The following TACC2 variants were observed in gnomAD, a reference collection of about 807,000 sequenced individuals.
The protein encoded by TACC2 is transforming acidic coiled-coil containing protein 2, also known as transforming acidic coiled-coil-containing protein 2.
Under a neutral mutation model 227.3 loss-of-function variants are expected in TACC2, and 137 were observed. The observed-to-expected ratio is 0.60, with a 90% CI of 0.52 to 0.69. The LOEUF (loss-of-function observed/expected upper bound fraction) is 0.69. Ranked by LOEUF, TACC2 falls within the 30% of genes least tolerant of loss-of-function variation. The pLI is 0.00. For synonymous variants in TACC2, 1,523 were observed against 1,487.5 expected (o/e 1.02, Z -0.55); for missense variants, 3,470 against 3,694.4 (o/e 0.94, Z 1.57).
chr10:122,163,845 G>A (rs2092980337), intron 7 of TACC2: 1 of 1,486,258 alleles, frequency 6.7e-7, no homozygotes, highest in Non-Finnish European at 9.0e-7. Flanking sequence ...CGGCCGGCTC[G>A]CCCCGGCTCC....
At chr10:122,095,342 G>A (rs1011366298) in intron 5 of TACC2, among the ~76,000 whole-genome samples, 4 of 152,326 alleles carry the variant, frequency 2.6e-5, no homozygotes, top group South Asian at 2.1e-4. Context: ...ATCGCCTTGC[G>A]GGGCATTTGA....
rs1589840729 is a variant in TACC2 at position 122,237,277 on chromosome 10, T to C, written c.8128-118T>C. 4.0e-6 allele frequency: 4 copies of C among 994,326 alleles called. No individual in the cohort carries two copies. The East Asian group carries it at 1.1e-4, about 27-fold the overall frequency. 61.6% of individuals were successfully genotyped at this position (994,326 alleles called of 1,614,324 possible). A position where few individuals can be genotyped will look rare whatever the true frequency, so the allele number is the denominator to read the frequency against. ...TCAGTCTTTGCACTTTCTCATACTTTTGATGTTCTTTGTTTCAAAACCATA... is the reference window on the plus strand; with the variant it reads ...TCAGTCTTTGCACTTTCTCATACTTCTGATGTTCTTTGTTTCAAAACCATA... On this transcript the variant is annotated intron_variant, in intron 16 of 22. Transcript: ENST00000369005.
At chr10:122,013,219 G>A (rs1335698039) in intron 1 of TACC2, among the ~76,000 whole-genome samples, 1 of 152,140 alleles carries the variant, frequency 6.6e-6, no homozygotes, top group Non-Finnish European at 1.5e-5. Flanking sequence ...AAATTTCTAG[G>A]TGGCCTCCAA....
chr10:122,222,437 A>G (rs562374501), intron 11 of TACC2, among the ~76,000 whole-genome samples: 9 of 152,306 alleles, frequency 5.9e-5, no homozygotes, highest in Admixed American at 3.9e-4. Flanking sequence ...GGCGTCTGCC[A>G]CTCATCTGGG....
At chr10:122,124,813 G>A (rs945951031) in intron 5 of TACC2, among the ~76,000 whole-genome samples, 4 of 152,164 alleles carry the variant, frequency 2.6e-5, no homozygotes, top group Non-Finnish European at 4.4e-5. Flanking sequence ...TTTATCACAT[G>A]TGCTGTGACG....
intron 22 of TACC2, among the ~76,000 whole-genome samples, chr10:122,250,729 C>T (rs1411576473): frequency 2.0e-5 from 3 of 152,038 alleles, no homozygotes; most frequent in Non-Finnish European, 2.9e-5. Context: ...GGGCAAGCCT[C>T]GCACCCCACC....
At position 122,022,130 on chromosome 10, in the gene TACC2, C is replaced by T. The variant is rs565775504; in HGVS notation, c.33+116C>T. ...GAAGGAGCAAACAAGACAGCTTCTG[C>T]GTAGATGTGTGCGGGCATTTATGGA... On this transcript the variant is annotated intron_variant, in intron 2 of 22. Coordinates refer to ENST00000369005, the MANE Select transcript of TACC2 (RefSeq NM_206862.4). 3.0e-5 allele frequency: 30 copies of T among 990,164 alleles called. No individual in the cohort carries two copies. The African/African-American group carries it at 3.2e-4, about 11-fold the overall frequency. The allele number at this position is 990,164 out of a possible 1,614,324, so 61.3% of individuals were successfully genotyped here.
chr10:122,229,383 T>A lies in TACC2; in HGVS notation c.7934T>A (p.Leu2645His). 1 of 1,613,884 alleles carries A rather than the reference T, an allele frequency of 6.2e-7. No homozygotes were observed. Among genetic ancestry groups the A allele is most frequent in the Non-Finnish European group, 8.5e-7 (1 of 1,179,948 alleles). ...PEGSFASADA[L>H]LSRLAHPVSL... is the part of the protein sequence containing the mutation. Reference sequence around the variant, plus strand: ...GGCTCCTTTGCCTCTGCTGACGCCCTCCTCAGCAGGCTAGCTCACCCCGTC... The same window carrying A: ...GGCTCCTTTGCCTCTGCTGACGCCCACCTCAGCAGGCTAGCTCACCCCGTC... Residue 2645 changes from leucine (L) to histidine (H), a missense_variant, in exon 15 of 23, where the codon CTC (leucine) becomes CAC (histidine). Transcript: ENST00000369005.
chr10:122,025,258 T>C (rs1341104379), intron 2 of TACC2, among the ~76,000 whole-genome samples: 1 of 152,194 alleles, frequency 6.6e-6, no homozygotes, highest in African/African-American at 2.4e-5. Flanking sequence ...TAGATTATTA[T>C]TATTCATATA....
rs764172737 is a variant in TACC2, at chr10:122,086,377, C to T, written c.3877C>T (p.Pro1293Ser). The change falls in exon 4 of 23, where the codon CCC (proline) becomes TCC (serine). Residue 1293 changes from proline to serine, a missense_variant. Transcript: ENST00000369005. ...SLKLFAGSLA[P>S]LLQPGAAGGE... ...GAAGCTGTTTGCTGGCTCCCTCGCC[C>T]CCCTGTTGCAACCAGGAGCTGCAGG... 3.1e-6 allele frequency: 5 copies of T among 1,613,538 alleles called. No homozygotes were observed. Among genetic ancestry groups the T allele is most frequent in the Middle Eastern group, 1.6e-4 (1 of 6,084 alleles).
intron 7 of TACC2, among the ~76,000 whole-genome samples, chr10:122,192,983 C>A (rs930660775): frequency 6.6e-6 from 1 of 152,204 alleles, no homozygotes; most frequent in Non-Finnish European, 1.5e-5. Flanking sequence ...CACCGATAAA[C>A]AGATGCTTCA....
intron 9 of TACC2, among the ~76,000 whole-genome samples, chr10:122,214,671 CTTGACCCT>C (rs1320389629): frequency 1.3e-5 from 2 of 152,210 alleles, no homozygotes; most frequent in Non-Finnish European, 2.9e-5. Context: ...GATCTGCTTC[CTTGACCCT>C]TCAGGAGTCT....
chr10:122,041,397 A>G (rs189149281), intron 2 of TACC2, among the ~76,000 whole-genome samples: 2 of 151,944 alleles, frequency 1.3e-5, no homozygotes, highest in Non-Finnish European at 2.9e-5. Flanking sequence ...CAAGTTAAGC[A>G]GCAAGAATTA....
intron 7 of TACC2, among the ~76,000 whole-genome samples, chr10:122,173,745 G>A (rs970863275): frequency 6.6e-6 from 1 of 152,234 alleles, no homozygotes; most frequent in Non-Finnish European, 1.5e-5. Flanking sequence ...AGGACTTCAG[G>A]AGCCAGAGGT....
intron 5 of TACC2, among the ~76,000 whole-genome samples, chr10:122,118,697 G>A (rs915430951): frequency 1.3e-5 from 2 of 152,192 alleles, no homozygotes; most frequent in African/African-American, 4.8e-5. Context: ...GCTGAGGACT[G>A]AGTGACATTT....
At chr10:122,116,295 C>T (rs2084685525) in intron 5 of TACC2, among the ~76,000 whole-genome samples, 1 of 152,224 alleles carries the variant, frequency 6.6e-6, no homozygotes, top group Admixed American at 6.5e-5. Flanking sequence ...CCCCATCCCT[C>T]TGTCCGCTAT....
Position 122,209,306 on chromosome 10 carries a change from A to G in TACC2, c.5972-1091A>G, listed in dbSNP as rs1358367071. Among the ~76,000 whole-genome samples the G allele has an allele frequency of 2.6e-5, 4 of 152,170 alleles. No individual in the cohort carries two copies. The highest frequency in any genetic ancestry group is 4.4e-5 in the Non-Finnish European group (3 of 68,028). On this transcript the variant is annotated intron_variant, in intron 8 of 22. Transcript: ENST00000369005. The surrounding 1 kb of genome is among the most constrained non-coding windows in gnomAD (Gnocchi z 4.5). ...GTGTACAGGCTCCCCTGATCTTCAC[A>G]GTGGCTCTGAGGAGTCAAGAACAGG...
chr10:122,078,832 T>C (rs1340918106), intron 3 of TACC2: 1 of 152,278 alleles, frequency 6.6e-6, no homozygotes, highest in Non-Finnish European at 1.5e-5. Context: ...ACCCAGCTTA[T>C]GCTAAATAAA....
chr10:122,134,540 C>T (rs528028396), intron 6 of TACC2, among the ~76,000 whole-genome samples: 72 of 152,316 alleles, frequency 4.7e-4, no homozygotes, highest in Non-Finnish European at 9.1e-4. Flanking sequence ...ACCCTAGCTG[C>T]GAACGAAGGC....
Sources: gnomAD v4.1 joint callset for allele counts (sites outside exome capture counted in the v4.1 genomes callset) on GRCh38, gnomAD v4.1.1 for gene constraint, Gnocchi (gnomAD v3.1) non-coding constraint, MANE v1.5 for transcripts, NCBI Gene and HGNC (gene_info 2026-07-23, HGNC 2026-07-21) for gene names.